Variants in ZNF605 observed in about 807,000 individuals in gnomAD.
ZNF605 encodes zinc finger protein 605.
Under a neutral mutation model 7.9 loss-of-function variants are expected in ZNF605, and 9 were observed. The observed-to-expected ratio is 1.14, with a 90% CI of 0.68 to 1.98. The LOEUF is 1.98. Ranked by LOEUF, ZNF605 falls within the 30% of genes most tolerant of loss-of-function variation. ZNF605 has a pLI of 0.00. For missense variants in ZNF605, 673 were observed against 762.4 expected, an observed-to-expected ratio of 0.88 and a Z score of 1.38; for synonymous variants, 255 against 260.1, an observed-to-expected ratio of 0.98 and a Z score of 0.19.
intron 1 of ZNF605, among the ~76,000 whole-genome samples, chr12:132,951,773 TACAC>T (rs1298305023): frequency 1.3e-5 from 2 of 150,950 alleles, no homozygotes; most frequent in South Asian, 2.1e-4. Context: ...CACAGACAAG[TACAC>T]ACACATTGAT....
intron 1 of ZNF605, among the ~76,000 whole-genome samples, chr12:132,949,083 G>A (rs938799495): frequency 1.7e-5 from 2 of 117,440 alleles, no homozygotes; most frequent in Admixed American, 8.5e-5. Flanking sequence ...AGAAGTTGTG[G>A]AAAGCCACAA....
chr12:132,929,653 T>G (rs944051099), intron 4 of ZNF605, among the ~76,000 whole-genome samples: 6 of 152,026 alleles, frequency 3.9e-5, no homozygotes, highest in Non-Finnish European at 8.8e-5. Context: ...AGATTAAAAA[T>G]ATGTCTATCC....
chr12:132,945,367 G>A, intron 3 of ZNF605: 1 of 1,324,334 alleles, frequency 7.6e-7, no homozygotes, highest in Admixed American at 1.7e-5. Flanking sequence ...CCTTCTGTGT[G>A]TTGCAGAGAT....
chr12:132,924,942 T>C lies in ZNF605; in HGVS notation c.*431A>G, dbSNP rs949809789. 2 of 156,532 alleles carry C rather than the reference T, an allele frequency of 1.3e-5. No individual in the cohort carries two copies. Among genetic ancestry groups the C allele is most frequent in the African/African-American group, 2.4e-5 (1 of 41,634 alleles). The allele number at this position is 156,532 out of a possible 1,614,324, so 9.7% of individuals were successfully genotyped here. On this transcript the variant is annotated 3_prime_UTR_variant, in exon 5 of 5. Transcript: ENST00000360187. ...CATGCTTGTCAAATTCTTTACATTA[T>C]TGAGACTACTCTTCAGTATGAACCT...
intron 3 of ZNF605, among the ~76,000 whole-genome samples, chr12:132,940,261 T>G (rs1482841034): frequency 6.6e-6 from 1 of 152,186 alleles, no homozygotes; most frequent in African/African-American, 2.4e-5. Context: ...CCTCACAGAC[T>G]TCCTGTGTGG....
At position 132,921,017 on chromosome 12, in the gene ZNF605, G is replaced by A. The variant is rs890390464; in HGVS notation, c.*4356C>T. ...AATTTTTTTGTATTTAGTAGAGACG[G>A]GGTTTCACCATGTTATTCAGGCTGG... On this transcript the variant is annotated 3_prime_UTR_variant, in exon 5 of 5. Transcript: ENST00000360187. 3 of 152,158 alleles carry A rather than the reference G, an allele frequency of 2.0e-5. No homozygotes were observed. The highest frequency in any genetic ancestry group is 7.2e-5 in the African/African-American group (3 of 41,420). The allele number at this position is 152,158 out of a possible 1,614,324, so 9.4% of individuals were successfully genotyped here.
intron 3 of ZNF605, 183 bp downstream of exon 3, chr12:132,945,438 G>C (rs1168116660): frequency 9.1e-7 from 1 of 1,104,774 alleles, no homozygotes; most frequent in Non-Finnish European, 1.4e-6. Context: ...CCTGTGACTG[G>C]ATCATTTTCA....
chr12:132,949,263 A>G (rs938705624), intron 1 of ZNF605, among the ~76,000 whole-genome samples: 4 of 152,200 alleles, frequency 2.6e-5, no homozygotes, highest in Non-Finnish European at 5.9e-5. Context: ...CTACTCTCCG[A>G]TAAGTTAAAA....
chr12:132,935,269 T>C (rs1435901193), intron 3 of ZNF605, among the ~76,000 whole-genome samples: 1 of 151,984 alleles, frequency 6.6e-6, no homozygotes, highest in Non-Finnish European at 1.5e-5. Flanking sequence ...ACACAAGGAG[T>C]ACTCCGTGTG....
In ZNF605 at chr12:132,933,049, T is replaced by A; in HGVS notation, c.122A>T (p.Asn41Ile). 2 of 1,594,602 alleles carry A rather than the reference T, an allele frequency of 1.3e-6. No individual in the cohort carries two copies. The highest frequency in any genetic ancestry group is 1.7e-6 in the Non-Finnish European group (2 of 1,168,544). The change falls in exon 4 of 5, where the codon AAT becomes ATT. Residue 41 changes from asparagine (N) to isoleucine (I), a missense_variant. By Grantham distance (149) the Asn-to-Ile change is moderately radical. Transcript: ENST00000360187. The surrounding 1 kb of genome is among the most constrained non-coding windows in gnomAD (Gnocchi z 4.4). Reference protein sequence around the residue: ...YRDVMLENYSNLVFLEVWLDN... With the variant: ...YRDVMLENYSILVFLEVWLDN... ...AATGTTCTTACCCAAGAAAACCAGATTGCTATAGTTCTCCAACATCACATC... is the reference window on the plus strand; with the variant it reads ...AATGTTCTTACCCAAGAAAACCAGAATGCTATAGTTCTCCAACATCACATC...
rs764116657 is a variant in ZNF605 at position 132,925,738 on chromosome 12, GA to G, written c.1560del (p.Arg522GlyfsTer55). Reference protein sequence around the residue: ...CRKAFAWKPQLLRHQRIHTGE... With the variant: ...CRKAFAWKPQXLRHQRIHTGE... The stretch of plus-strand genomic sequence containing the variant: ...CCTGTATGAATTCTCTGATGCCTAA[GA>G]AGCTGTGGCTTCCAGGCAAAAGCTT... On this transcript the variant is annotated frameshift_variant, in exon 5 of 5. Transcript: ENST00000360187. LOFTEE classifies it low-confidence loss of function (END_TRUNC). 1 of 1,613,866 alleles carries G rather than the reference GA, an allele frequency of 6.2e-7. No individual in the cohort carries two copies. The highest frequency in any genetic ancestry group is 8.5e-7 in the Non-Finnish European group (1 of 1,179,888).
Position 132,919,804 on chromosome 12 carries a change from C to T in ZNF605, c.*5569G>A, listed in dbSNP as rs1266413363. 6 of 152,172 alleles carry T rather than the reference C, an allele frequency of 3.9e-5. No homozygotes were observed. The highest frequency in any genetic ancestry group is 2.1e-4 in the South Asian group (1 of 4,822). 9.4% of individuals were successfully genotyped at this position (152,172 alleles called of 1,614,324 possible). A position where few individuals can be genotyped will look rare whatever the true frequency, so the allele number is the denominator to read the frequency against. ...TACATTCTTTTTGCTGTGCACATTT[C>T]GAGATTTAGGTATCACTAAATAAGT... On this transcript the variant is annotated 3_prime_UTR_variant, in exon 5 of 5. Transcript: ENST00000360187.
intron 3 of ZNF605, among the ~76,000 whole-genome samples, chr12:132,942,961 C>T (rs1488979390): frequency 3.3e-5 from 5 of 152,260 alleles, no homozygotes; most frequent in South Asian, 4.2e-4. Context: ...GTTATTGTCA[C>T]GGCCCGTCAA....
intron 3 of ZNF605, among the ~76,000 whole-genome samples, chr12:132,942,256 TCTC>T (rs1952450555): frequency 6.6e-6 from 1 of 152,146 alleles, no homozygotes; most frequent in Non-Finnish European, 1.5e-5. Flanking sequence ...CTAAAAGCTT[TCTC>T]CTCCTCCTAA....
At chr12:132,939,541 T>G (rs1183112222) in intron 3 of ZNF605, among the ~76,000 whole-genome samples, 14 of 152,030 alleles carry the variant, frequency 9.2e-5, no homozygotes, top group African/African-American at 3.1e-4. Flanking sequence ...ACTCTGTATC[T>G]AACTAATCTG....
chr12:132,929,766 G>A (rs985616108), intron 4 of ZNF605, among the ~76,000 whole-genome samples: 1 of 152,080 alleles, frequency 6.6e-6, no homozygotes, highest in Non-Finnish European at 1.5e-5. Flanking sequence ...CCAACATGGT[G>A]AAACCCCATT....
At chr12:132,952,912 C>T (rs988310011) in intron 1 of ZNF605, among the ~76,000 whole-genome samples, 5 of 152,044 alleles carry the variant, frequency 3.3e-5, no homozygotes, top group Non-Finnish European at 4.4e-5. Flanking sequence ...GACCCACCAA[C>T]ACGGCCCTGC....
chr12:132,934,191 A>G (rs1449927248), intron 3 of ZNF605, among the ~76,000 whole-genome samples: 4 of 152,084 alleles, frequency 2.6e-5, no homozygotes, highest in African/African-American at 7.2e-5. Context: ...AGGCAGGAGA[A>G]TCACTTGAAC....
intron 1 of ZNF605, among the ~76,000 whole-genome samples, chr12:132,951,534 TCA>T (rs535122185): frequency 3.7e-4 from 54 of 147,082 alleles, no homozygotes; most frequent in South Asian, 6.6e-4. Context: ...TACACGTACG[TCA>T]CACACACACA....
Sources: allele counts gnomAD v4.1 joint callset (sites outside exome capture counted in the v4.1 genomes callset), GRCh38; gene constraint gnomAD v4.1.1; non-coding constraint Gnocchi (gnomAD v3.1); transcripts MANE v1.5; gene names NCBI Gene and HGNC (gene_info 2026-07-23, HGNC 2026-07-21).